Variants in MTUS1 observed in about 807,000 individuals in gnomAD.
MTUS1 encodes the protein microtubule associated scaffold protein 1.
MTUS1 carries 109 observed loss-of-function variants against 120.8 expected under a neutral mutation model. The ratio of observed to expected loss-of-function variants is 0.90; its 90% CI spans 0.77 to 1.06. MTUS1 has a LOEUF of 1.06. MTUS1 is among the 50% of genes least tolerant of loss of function. The probability of loss-of-function intolerance (pLI) is 0.00; values close to 1 mark genes in which losing one functional copy is unlikely to be tolerated. For missense variants in MTUS1, 2,210 were observed against 1,486.3 expected (o/e 1.49, Z -8.01); for synonymous variants, 737 against 550.5 (o/e 1.34, Z -4.74).
chr8:17,715,873 C>T lies in MTUS1; in HGVS notation c.2478G>A (p.Glu826=). ...GAAATGCTGGTTTTGGAGGTTTCTC[C>T]TCATATTTGATGACAGCGGCATTAC... is the stretch of plus-strand genomic sequence containing the variant. ...NSGNAAVIKY[E]EKPPKPAFQN... The change falls in exon 5 of 15, where the codon GAG becomes GAA. Residue 826 remains glutamate, a synonymous_variant. Coordinates refer to ENST00000693296, the MANE Select transcript of MTUS1 (RefSeq NM_001363059.2). 1 of 1,613,500 alleles carries T rather than the reference C, an allele frequency of 6.2e-7. No homozygotes were observed. Among genetic ancestry groups the T allele is most frequent in the Non-Finnish European group, 8.5e-7 (1 of 1,179,834 alleles).
chr8:17,695,255 C>G (rs140486424), intron 6 of MTUS1, among the ~76,000 whole-genome samples: 171 of 152,324 alleles, frequency 1.1e-3, no homozygotes, highest in African/African-American at 3.9e-3. Context: ...AACGCTTCCT[C>G]CATCCCTGCT....
intron 6 of MTUS1, among the ~76,000 whole-genome samples, chr8:17,701,614 C>A (rs1346421095): frequency 6.6e-6 from 1 of 152,032 alleles, no homozygotes; most frequent in Admixed American, 6.6e-5. Context: ...GTGGCGTGAT[C>A]TCGGCTCACT....
At chr8:17,747,131 C>T (rs1056101811) in intron 2 of MTUS1, among the ~76,000 whole-genome samples, 19 of 152,212 alleles carry the variant, frequency 1.2e-4, no homozygotes, top group African/African-American at 4.3e-4. Flanking sequence ...ATAACATCTT[C>T]TTCACAAGGC....
At chr8:17,756,877 C>G (rs151260059) in intron 1 of MTUS1, among the ~76,000 whole-genome samples, 1 of 152,110 alleles carries the variant, frequency 6.6e-6, no homozygotes, top group African/African-American at 2.4e-5. Context: ...AGAGCTCTCA[C>G]CAAAAACCAA....
chr8:17,741,910 G>T (rs2047345965), intron 3 of MTUS1, among the ~76,000 whole-genome samples: 2 of 152,166 alleles, frequency 1.3e-5, no homozygotes, highest in African/African-American at 4.8e-5. Context: ...GAGAGTAAAA[G>T]ACTTGCTCAG....
chr8:17,703,661 G>A (rs1024475463), intron 6 of MTUS1, among the ~76,000 whole-genome samples: 7 of 148,926 alleles, frequency 4.7e-5, no homozygotes, highest in South Asian at 2.1e-4. Context: ...AGAGAGATAC[G>A]CCCTGGTCTC....
At chr8:17,787,531 G>C (rs2051406656) in intron 1 of MTUS1, among the ~76,000 whole-genome samples, 1 of 152,122 alleles carries the variant, frequency 6.6e-6, no homozygotes, top group Non-Finnish European at 1.5e-5. Context: ...CACAGCTATG[G>C]ACCTTATAGC....
At chr8:17,696,668 A>T (rs934901682) in intron 6 of MTUS1, among the ~76,000 whole-genome samples, 5 of 152,216 alleles carry the variant, frequency 3.3e-5, no homozygotes, top group South Asian at 2.1e-4. Flanking sequence ...AAGCAGATAC[A>T]AACATAAACC....
intron 8 of MTUS1, among the ~76,000 whole-genome samples, chr8:17,671,676 A>G (rs1812051436): frequency 6.6e-6 from 1 of 152,256 alleles, no homozygotes; most frequent in Non-Finnish European, 1.5e-5. Flanking sequence ...CCTGGGTTTC[A>G]GTGCTCCTGA....
At chr8:17,786,704 A>G (rs1458228890) in intron 1 of MTUS1, among the ~76,000 whole-genome samples, 1 of 152,174 alleles carries the variant, frequency 6.6e-6, no homozygotes, top group Non-Finnish European at 1.5e-5. Context: ...CTGCTTCCGT[A>G]GTTGAGAGAC....
intron 6 of MTUS1, among the ~76,000 whole-genome samples, chr8:17,694,211 G>A (rs1349512346): frequency 1.3e-5 from 2 of 152,190 alleles, no homozygotes; most frequent in Non-Finnish European, 2.9e-5. Context: ...ATAGGTGTGA[G>A]CCAGTGGCAC....
At chr8:17,768,001 A>G (rs1024604500) in intron 1 of MTUS1, among the ~76,000 whole-genome samples, 7 of 152,256 alleles carry the variant, frequency 4.6e-5, no homozygotes, top group Non-Finnish European at 2.9e-5. Context: ...GACACGCTTA[A>G]AAGGCCACTG....
intron 9 of MTUS1, 108 bp from the exon 10 acceptor site, chr8:17,654,774 G>T: frequency 2.7e-6 from 2 of 746,050 alleles, no homozygotes; most frequent in Middle Eastern, 2.3e-4. Flanking sequence ...GGTAAGCGTG[G>T]GCTCTAGTTT....
At chr8:17,709,186 TG>T (rs1247456168) in intron 6 of MTUS1, among the ~76,000 whole-genome samples, 1 of 151,732 alleles carries the variant, frequency 6.6e-6, no homozygotes, top group Non-Finnish European at 1.5e-5. Context: ...CACACTTCCC[TG>T]CTTATTACAC....
At chr8:17,781,180 G>C (rs1439783037) in intron 1 of MTUS1, among the ~76,000 whole-genome samples, 2 of 152,084 alleles carry the variant, frequency 1.3e-5, no homozygotes, top group Non-Finnish European at 2.9e-5. Context: ...TGGAACAAAG[G>C]AGTCTCTAAA....
chr8:17,755,621 C>T lies in MTUS1; in HGVS notation c.187G>A (p.Ala63Thr), dbSNP rs1189473907. 9 of 1,614,078 alleles carry T rather than the reference C, an allele frequency of 5.6e-6. No individual in the cohort carries two copies. The highest frequency in any genetic ancestry group is 6.8e-6 in the Non-Finnish European group (8 of 1,180,036). Residue 63 changes from alanine to threonine, a missense_variant, in exon 2 of 15, where the codon GCT becomes ACT. Physicochemically the swap from Ala to Thr is moderately conservative, Grantham distance 58. Coordinates refer to ENST00000693296, the MANE Select transcript of MTUS1 (RefSeq NM_001363059.2). ...DMVVDYETDP[A>T]VVTGENISLS... is the part of the protein sequence containing the mutation. ...GAAATATTTTCACCAGTAACTACAG[C>T]AGGGTCAGTTTCATAATCAACCACC...
intron 8 of MTUS1, among the ~76,000 whole-genome samples, chr8:17,659,015 G>C (rs960885872): frequency 1.3e-5 from 2 of 152,080 alleles, no homozygotes; most frequent in African/African-American, 2.4e-5. Context: ...GCCTGGCACA[G>C]AATGGGGCTC....
At chr8:17,769,035 C>G (rs952507824) in intron 1 of MTUS1, among the ~76,000 whole-genome samples, 1 of 152,064 alleles carries the variant, frequency 6.6e-6, no homozygotes, top group Admixed American at 6.6e-5. Flanking sequence ...ATAACTCACA[C>G]TATGCAATTA....
chr8:17,743,946 C>A, intron 2 of MTUS1, 147 bp from the exon 3 acceptor site: 4 of 617,506 alleles, frequency 6.5e-6, no homozygotes, highest in Non-Finnish European at 1.1e-5. Flanking sequence ...GTCAGACATG[C>A]CTCATTATAC....
Sources: allele counts gnomAD v4.1 joint callset (sites outside exome capture counted in the v4.1 genomes callset), GRCh38; gene constraint gnomAD v4.1.1; transcripts MANE v1.5; gene names NCBI Gene and HGNC (gene_info 2026-07-23, HGNC 2026-07-21).